GUF1: variants seen among roughly 807,000 people sequenced by gnomAD.
GUF1 encodes translation factor GUF1, mitochondrial.
Under a neutral mutation model 82.4 loss-of-function variants are expected in GUF1, and 78 were observed. That is an observed-to-expected ratio of 0.95 (90% CI 0.79 to 1.14). GUF1 has a LOEUF of 1.14. Ranked by LOEUF, GUF1 falls within the 50% of genes most tolerant of loss-of-function variation. GUF1 has a pLI of 0.00. For missense variants in GUF1, 814 were observed against 798.2 expected (o/e 1.02, Z -0.24); for synonymous variants, 279 against 282.3 (o/e 0.99, Z 0.12).
chr4:44,680,961 C>T (rs766504705), intron 3 of GUF1, 119 bp downstream of exon 3: 31 of 1,115,752 alleles, frequency 2.8e-5, no homozygotes, highest in Non-Finnish European at 3.8e-5. Flanking sequence ...TTTTTGTTTT[C>T]TCAGTGTTCT....
intron 1 of GUF1, among the ~76,000 whole-genome samples, chr4:44,679,014 A>G (rs534943913): frequency 2.1e-4 from 32 of 152,226 alleles, no homozygotes; most frequent in African/African-American, 5.5e-4. Context: ...CTCATTTTCA[A>G]TGTCAAATGT....
intron 16 of GUF1, among the ~76,000 whole-genome samples, chr4:44,697,806 C>G (rs1715933550): frequency 6.6e-6 from 1 of 151,992 alleles, no homozygotes; most frequent in South Asian, 2.1e-4. Context: ...TGAAGTCTAC[C>G]TCTCCTGACA....
intron 12 of GUF1, 93 bp from the exon 13 acceptor site, chr4:44,691,573 C>T: frequency 2.2e-6 from 2 of 896,194 alleles, no homozygotes; most frequent in Non-Finnish European, 3.4e-6. Flanking sequence ...TAAATACTGC[C>T]TATAAGTTTT....
At chr4:44,683,169 A>G in intron 5 of GUF1, 66 bp from the exon 6 acceptor site, 1 of 979,172 alleles carries the variant, frequency 1.0e-6, no homozygotes, top group East Asian at 2.9e-5. Flanking sequence ...TTACCTCCGA[A>G]TACTGTTAAT....
chr4:44,687,671 A>G (rs1308559746), intron 8 of GUF1, among the ~76,000 whole-genome samples: 1 of 152,004 alleles, frequency 6.6e-6, no homozygotes, highest in Non-Finnish European at 1.5e-5. Flanking sequence ...CATTAATAAA[A>G]GACATCACAA....
At chr4:44,690,050 C>T (rs1715336441) in intron 11 of GUF1, 75 bp downstream of exon 11, 2 of 1,127,550 alleles carry the variant, frequency 1.8e-6, no homozygotes, top group Admixed American at 2.6e-5. Context: ...TGTGTATATA[C>T]AATGCAGGAG....
intron 5 of GUF1, among the ~76,000 whole-genome samples, chr4:44,682,968 G>C (rs1185806325): frequency 1.3e-5 from 2 of 151,952 alleles, no homozygotes; most frequent in East Asian, 3.9e-4. Flanking sequence ...CTGCTTAATT[G>C]ATAAATTACT....
Position 44,698,688 on chromosome 4 carries a change from G to A in GUF1, c.*7G>A. 1 of 1,576,426 alleles carries A rather than the reference G, an allele frequency of 6.3e-7. No individual in the cohort carries two copies. Among genetic ancestry groups the A allele is most frequent in the East Asian group, 2.3e-5 (1 of 44,324 alleles). The stretch of plus-strand genomic sequence containing the variant: ...AACACAATCTTCTAAATAATTGGTG[G>A]GAAAACAAAGAATTTTCATTGCAAT... On this transcript the variant is annotated 3_prime_UTR_variant, in exon 17 of 17. Transcript: ENST00000281543.
At chr4:44,688,235 T>C in intron 9 of GUF1, 89 bp downstream of exon 9, 1 of 1,293,886 alleles carries the variant, frequency 7.7e-7, no homozygotes, top group Non-Finnish European at 1.1e-6. Flanking sequence ...ATACACATTC[T>C]GGTTATTTTA....
At chr4:44,697,342 G>A in intron 15 of GUF1, 66 bp from the exon 16 acceptor site, 1 of 912,790 alleles carries the variant, frequency 1.1e-6, no homozygotes, top group Non-Finnish European at 1.7e-6. Context: ...GATTGTTTTT[G>A]GTAAGGAAGT....
chr4:44,688,103 G>A lies in GUF1; in HGVS notation c.1035G>A (p.Glu345=), dbSNP rs1292318512. The change falls in exon 9 of 17, where the codon GAG becomes GAA. Residue 345 remains glutamate (E), a synonymous_variant. Coordinates refer to ENST00000281543, the MANE Select transcript of GUF1 (RefSeq NM_021927.3). ...DTLCLHKQPV[E]PLPGFKSAKP... Reference sequence around the variant, plus strand: ...TATGTTTACATAAGCAACCAGTGGAGCCCTTGCCTGGGTTTAAATCAGCGA... The same window carrying A: ...TATGTTTACATAAGCAACCAGTGGAACCCTTGCCTGGGTTTAAATCAGCGA... 6.2e-7 allele frequency: 1 copy of A among 1,612,134 alleles called. No homozygotes were observed. The highest frequency in any genetic ancestry group is 1.3e-5 in the African/African-American group (1 of 74,892).
At chr4:44,683,409 T>C in intron 6 of GUF1, 91 bp downstream of exon 6, 1 of 662,114 alleles carries the variant, frequency 1.5e-6, no homozygotes, top group East Asian at 2.9e-5. Flanking sequence ...AACCTGGCAT[T>C]ATATGCTGTT....
chr4:44,698,015 G>A (rs1371830997), intron 16 of GUF1, among the ~76,000 whole-genome samples: 1 of 152,124 alleles, frequency 6.6e-6, no homozygotes, highest in Admixed American at 6.5e-5. Flanking sequence ...GCGTGGTGGT[G>A]CATGCCTGTG....
At chr4:44,681,257 C>A in intron 4 of GUF1, 54 bp downstream of exon 4, 1 of 1,295,690 alleles carries the variant, frequency 7.7e-7, no homozygotes, top group South Asian at 1.3e-5. Flanking sequence ...TTGGTTGTTT[C>A]AAGAGTTTTT....
chr4:44,694,857 A>T (rs1715695545), intron 14 of GUF1, among the ~76,000 whole-genome samples: 1 of 151,782 alleles, frequency 6.6e-6, no homozygotes, highest in African/African-American at 2.4e-5. Context: ...GCCAGGCTGG[A>T]GTGCAGTGGC....
In GUF1 at chr4:44,681,128, T is replaced by C. The variant is rs1281122405; in HGVS notation, c.432T>C (p.His144=). 6.2e-7 allele frequency: 1 copy of C among 1,612,486 alleles called. No individual in the cohort carries two copies. Among genetic ancestry groups the C allele is most frequent in the Non-Finnish European group, 8.5e-7 (1 of 1,178,768 alleles). Residue 144 remains histidine (H), a synonymous_variant, in exon 4 of 17, where the codon CAT becomes CAC. Coordinates refer to ENST00000281543, the MANE Select transcript of GUF1 (RefSeq NM_021927.3). ...YLLNLIDTPG[H]VDFSYEVSRS... The stretch of plus-strand genomic sequence containing the variant: ...TCAATATTTTTGTTTCTCAGGGCCA[T>C]GTTGATTTTAGTTATGAAGTATCCA...
chr4:44,694,163 A>C (rs1276261699), intron 13 of GUF1: 1 of 382,942 alleles, frequency 2.6e-6, no homozygotes, highest in Non-Finnish European at 4.7e-6. Context: ...TTTCTTTGTC[A>C]GGTTCACCAG....
At chr4:44,688,200 GTC>G in intron 9 of GUF1, 54 bp downstream of exon 9, 2 of 1,535,064 alleles carry the variant, frequency 1.3e-6, no homozygotes, top group Non-Finnish European at 1.8e-6. Flanking sequence ...TAAACTAAAA[GTC>G]TGTCTCAGTG....
At position 44,689,952 on chromosome 4, in the gene GUF1, C is replaced by T. The variant is rs375032141; in HGVS notation, c.1312C>T (p.Leu438=). ...CCCTACTGTTCCATATAAAGCTGTA[C>T]TGTCATCATCAAAATTGATAAAGGT... ...TTPTVPYKAV[L]SSSKLIKEHR... The change falls in exon 11 of 17, where the codon CTG becomes TTG. Residue 438 remains leucine, a synonymous_variant. Coordinates refer to ENST00000281543, the MANE Select transcript of GUF1 (RefSeq NM_021927.3). 3 of 1,581,900 alleles carry T rather than the reference C, an allele frequency of 1.9e-6. No homozygotes were observed. Among genetic ancestry groups the T allele is most frequent in the Non-Finnish European group, 2.6e-6 (3 of 1,160,014 alleles).
Sources: allele counts gnomAD v4.1 joint callset (sites outside exome capture counted in the v4.1 genomes callset), GRCh38; gene constraint gnomAD v4.1.1; transcripts MANE v1.5; gene names NCBI Gene and HGNC (gene_info 2026-07-23, HGNC 2026-07-21).